Variants in MCF2L observed in about 807,000 individuals in gnomAD.
The protein encoded by MCF2L is guanine nucleotide exchange factor DBS.
In MCF2L, 97 loss-of-function variants were observed where a neutral mutation model predicts 153.4. The ratio of observed to expected loss-of-function variants is 0.63; its 90% CI spans 0.54 to 0.75. The LOEUF (loss-of-function observed/expected upper bound fraction) is 0.75. Ranked by LOEUF, MCF2L falls within the 30% of genes least tolerant of loss-of-function variation. MCF2L has a pLI of 0.00. For missense variants in MCF2L, 1,347 were observed against 1,495.2 expected, an observed-to-expected ratio of 0.90 and a Z score of 1.64; for synonymous variants, 659 against 632.2, an observed-to-expected ratio of 1.04 and a Z score of -0.64.
chr13:112,982,094 G>A (rs926508303), intron 1 of MCF2L, among the ~76,000 whole-genome samples: 1 of 152,112 alleles, frequency 6.6e-6, no homozygotes, highest in Non-Finnish European at 1.5e-5. Flanking sequence ...GGCAGTGGGG[G>A]CCCCAGCAGA....
At chr13:112,975,009 C>G (rs2082168253) in intron 1 of MCF2L, among the ~76,000 whole-genome samples, 1 of 152,206 alleles carries the variant, frequency 6.6e-6, no homozygotes, top group Admixed American at 6.5e-5. Flanking sequence ...CTATCGTTTC[C>G]ACGTCAGCTC....
intron 1 of MCF2L, among the ~76,000 whole-genome samples, chr13:112,901,607 G>A (rs1324186165): frequency 6.6e-6 from 1 of 152,216 alleles, no homozygotes; most frequent in Admixed American, 6.5e-5. Flanking sequence ...CTGCCGGCAA[G>A]TGACTCTGAG....
chr13:112,953,158 G>A (rs78784969), intron 2 of MCF2L, among the ~76,000 whole-genome samples: 2 of 152,198 alleles, frequency 1.3e-5, no homozygotes, highest in South Asian at 2.1e-4. Flanking sequence ...GCTTGGAGCC[G>A]TGTTTTGGAA....
At chr13:112,919,099 A>C (rs2081326826) in intron 2 of MCF2L, among the ~76,000 whole-genome samples, 1 of 152,166 alleles carries the variant, frequency 6.6e-6, no homozygotes, top group Non-Finnish European at 1.5e-5. Flanking sequence ...CAATTTCATT[A>C]ATTCAAATTC....
chr13:113,024,010 C>G (rs1425303189), intron 2 of MCF2L, among the ~76,000 whole-genome samples: 3 of 152,230 alleles, frequency 2.0e-5, no homozygotes, highest in African/African-American at 7.2e-5. Context: ...CAGACCCAGG[C>G]TCGGGGGAGG....
At chr13:112,934,109 G>A (rs2081490210) in intron 2 of MCF2L, among the ~76,000 whole-genome samples, 1 of 152,262 alleles carries the variant, frequency 6.6e-6, no homozygotes, top group Non-Finnish European at 1.5e-5. Flanking sequence ...TTTCCCACCA[G>A]GGGCCAGGAT....
At chr13:113,082,037 C>T (rs1241934766) in intron 16 of MCF2L, among the ~76,000 whole-genome samples, 2 of 151,656 alleles carry the variant, frequency 1.3e-5, no homozygotes, top group Non-Finnish European at 2.9e-5. Flanking sequence ...AGCGAGTGTG[C>T]ACAGGTGGTG....
Position 113,074,566 on chromosome 13 carries a change from A to G in MCF2L, c.1116+3A>G. The G allele has an allele frequency of 6.2e-7, 1 of 1,613,118 alleles. No individual in the cohort carries two copies. The highest frequency in any genetic ancestry group is 8.5e-7 in the Non-Finnish European group (1 of 1,179,350). On this transcript the variant is annotated splice_donor_region_variant and intron_variant, in intron 10 of 29. Coordinates refer to ENST00000535094, the MANE Select transcript of MCF2L (RefSeq NM_001112732.3). The surrounding 1 kb of genome is among the most constrained non-coding windows in gnomAD (Gnocchi z 4.2). ...CCAGCTTCGAGGAGAAATCAGGCGT[A>G]AGGCGGGGTCCCGGCGGGGGCGGCG...
intron 1 of MCF2L, among the ~76,000 whole-genome samples, chr13:112,974,830 GA>G (rs1462826904): frequency 1.3e-5 from 2 of 152,206 alleles, no homozygotes; most frequent in Non-Finnish European, 2.9e-5. Context: ...AATTTTAACA[GA>G]CTCTAGGGTC....
At position 113,035,351 on chromosome 13, in the gene MCF2L, A is replaced by G. The variant is rs2086090012; in HGVS notation, c.279-9920A>G. Among the ~76,000 whole-genome samples, 1 of 152,140 alleles carries G rather than the reference A, an allele frequency of 6.6e-6. No homozygotes were observed. Among genetic ancestry groups the G allele is most frequent in the South Asian group, 2.1e-4 (1 of 4,826 alleles). On this transcript the variant is annotated intron_variant, in intron 3 of 29. Coordinates refer to ENST00000535094, the MANE Select transcript of MCF2L (RefSeq NM_001112732.3). This position sits in a 1 kb window ranked among gnomAD's most constrained non-coding sequence, Gnocchi z 4.4. The stretch of plus-strand genomic sequence containing the variant: ...CCCTACTCAGGTAAGACGTCCTGAC[A>G]GTGAGGTTTTTAATATTTACAAGCC...
At chr13:113,088,698 G>A in intron 25 of MCF2L, 70 bp downstream of exon 25, 2 of 1,493,900 alleles carry the variant, frequency 1.3e-6, no homozygotes, top group Non-Finnish European at 9.1e-7. Flanking sequence ...TGCACGCCAG[G>A]GTCCTCGGCC....
intron 2 of MCF2L, among the ~76,000 whole-genome samples, chr13:112,914,773 C>T (rs1045378087): frequency 3.3e-5 from 5 of 151,956 alleles, no homozygotes; most frequent in African/African-American, 9.7e-5. Flanking sequence ...GGTTGCTAAT[C>T]TTTTAATGTT....
At chr13:113,069,996 C>G in intron 8 of MCF2L, 63 bp from the exon 9 acceptor site, 1 of 1,165,958 alleles carries the variant, frequency 8.6e-7, no homozygotes, top group South Asian at 1.3e-5. Context: ...GAACACCCAC[C>G]GCGCTCCACG....
In MCF2L at chr13:113,024,771, A is replaced by T. The variant is rs1462403426; in HGVS notation, c.278+13A>T. ...CCAGCATCCCCAGGTACGTGCACCC[A>T]GAGCCCGGCAGACATTGTGGTTTGG... On this transcript the variant is annotated intron_variant, in intron 3 of 29. Coordinates refer to ENST00000535094, the MANE Select transcript of MCF2L (RefSeq NM_001112732.3). 6.3e-7 allele frequency: 1 copy of T among 1,594,804 alleles called. No individual in the cohort carries two copies.
intron 1 of MCF2L, among the ~76,000 whole-genome samples, chr13:113,003,613 C>G (rs1198913816): frequency 6.6e-6 from 1 of 152,182 alleles, no homozygotes; most frequent in East Asian, 1.9e-4. Context: ...CCAGGCAAAG[C>G]CAGGACCACC....
At chr13:113,082,922 T>TA (rs2034288267) in intron 17 of MCF2L, among the ~76,000 whole-genome samples, 1 of 152,126 alleles carries the variant, frequency 6.6e-6, no homozygotes, top group African/African-American at 2.4e-5. Flanking sequence ...TTCGGCCCTT[T>TA]AGGGGGTCAC....
At chr13:112,968,710 C>T (rs755703613), upstream of MCF2L, 5 of 1,408,734 alleles carry the variant, frequency 3.5e-6, no homozygotes, top group African/African-American at 4.5e-5. Flanking sequence ...ACGGGGCGGC[C>T]GGAGGTAAAG....
intron 3 of MCF2L, among the ~76,000 whole-genome samples, chr13:113,037,552 A>G (rs577710287): frequency 6.6e-5 from 10 of 152,250 alleles, no homozygotes; most frequent in Middle Eastern, 6.8e-3. Flanking sequence ...AAAACCCACT[A>G]CCTACTTCCA....
intron 1 of MCF2L, among the ~76,000 whole-genome samples, chr13:112,898,721 C>T (rs554442855): frequency 6.6e-6 from 1 of 152,322 alleles, no homozygotes; most frequent in South Asian, 2.1e-4. Context: ...CCCTGCCCCC[C>T]AAGTCCCTGA....
Sources: gnomAD v4.1 joint callset for allele counts (sites outside exome capture counted in the v4.1 genomes callset) on GRCh38, gnomAD v4.1.1 for gene constraint, Gnocchi (gnomAD v3.1) non-coding constraint, MANE v1.5 for transcripts, NCBI Gene and HGNC (gene_info 2026-07-23, HGNC 2026-07-21) for gene names.